Variants in EBF2 observed in about 807,000 individuals in gnomAD.
EBF2 encodes transcription factor COE2.
A neutral mutation model predicts 72.8 loss-of-function variants in EBF2; 21 were observed. That is an observed-to-expected ratio of 0.29 (90% confidence interval 0.20 to 0.42). EBF2 has a LOEUF of 0.42. Among genes scored for constraint, EBF2 ranks in the 10% least tolerant of loss-of-function variants. The pLI is 1.00. For synonymous variants in EBF2, 299 were observed against 274.2 expected (o/e 1.09, Z -0.89); for missense variants, 637 against 731.2 (o/e 0.87, Z 1.49).
At chr8:25,889,270 G>A (rs907168098) in intron 8 of EBF2, among the ~76,000 whole-genome samples, 3 of 152,098 alleles carry the variant, frequency 2.0e-5, no homozygotes, top group African/African-American at 4.8e-5. Context: ...ACAGTTACCG[G>A]TATTTCTAAT....
At chr8:25,917,047 T>C (rs776023069) in intron 6 of EBF2, among the ~76,000 whole-genome samples, 1 of 152,152 alleles carries the variant, frequency 6.6e-6, no homozygotes, top group Non-Finnish European at 1.5e-5. Flanking sequence ...ATGTCTCCCA[T>C]AGCCCAAGTG....
At chr8:26,027,010 A>G (rs1308012944) in intron 6 of EBF2, among the ~76,000 whole-genome samples, 1 of 152,208 alleles carries the variant, frequency 6.6e-6, no homozygotes, top group Non-Finnish European at 1.5e-5. Flanking sequence ...GGTTTTATCT[A>G]TCCTTCTCAG....
intron 7 of EBF2, among the ~76,000 whole-genome samples, chr8:25,902,433 C>A (rs1358750584): frequency 6.6e-6 from 1 of 151,994 alleles, no homozygotes; most frequent in Non-Finnish European, 1.5e-5. Context: ...CTTTGAGGAG[C>A]CCTGGAAATC....
Position 25,858,425 on chromosome 8 carries a change from G to C in EBF2, c.1422C>G (p.Thr474=). The C allele has an allele frequency of 3.7e-6, 6 of 1,614,126 alleles. No homozygotes were observed. The highest frequency in any genetic ancestry group is 5.1e-6 in the Non-Finnish European group (6 of 1,180,016). The change falls in exon 14 of 16, where the codon ACC becomes ACG. Residue 474 remains threonine, a synonymous_variant. Coordinates refer to ENST00000520164, the MANE Select transcript of EBF2 (RefSeq NM_022659.4). ...SSTPQQSNYS[T]SSNSMNGYSN... Reference sequence around the variant, plus strand: ...TGTAGCCATTCATACTGTTGCTGGAGGTACTGTAATTAGACTGTTGAGGCG... The same window carrying C: ...TGTAGCCATTCATACTGTTGCTGGACGTACTGTAATTAGACTGTTGAGGCG...
At chr8:26,039,718 C>T (rs1397509386) in intron 5 of EBF2, among the ~76,000 whole-genome samples, 1 of 152,220 alleles carries the variant, frequency 6.6e-6, no homozygotes, top group Non-Finnish European at 1.5e-5. Flanking sequence ...AAACCCGGCC[C>T]GGGGTTGCCC....
At chr8:26,038,045 G>A (rs1484480743) in intron 5 of EBF2, among the ~76,000 whole-genome samples, 1 of 152,168 alleles carries the variant, frequency 6.6e-6, no homozygotes, top group Admixed American at 6.5e-5. Flanking sequence ...GCTACAACTG[G>A]CTCTTAAAAT....
At chr8:25,846,419 G>GGCTAACACCTGT (rs1160139478) in intron 15 of EBF2, among the ~76,000 whole-genome samples, 1 of 152,152 alleles carries the variant, frequency 6.6e-6, no homozygotes, top group Non-Finnish European at 1.5e-5. Flanking sequence ...TGGGCACGGT[G>GGCTAACACCTGT]GCTAACACCT....
rs188464519 is a variant in EBF2, at chr8:25,909,141, A to G, written c.552-586T>C. ...AGAAGTGTGAATATCCTCTCAGTTCATGTATAGATTATTCAGAGAAACATG... is the reference window on the plus strand; with the variant it reads ...AGAAGTGTGAATATCCTCTCAGTTCGTGTATAGATTATTCAGAGAAACATG... On this transcript the variant is annotated intron_variant, in intron 6 of 15. Coordinates refer to ENST00000520164, the MANE Select transcript of EBF2 (RefSeq NM_022659.4). Among the ~76,000 whole-genome samples, 428 of 152,326 alleles carry G rather than the reference A, an allele frequency of 2.8e-3. 4 individuals are homozygous for G. Among genetic ancestry groups the G allele is most frequent in the Middle Eastern group, 0.02 (6 of 294 alleles).
At chr8:26,004,590 G>T (rs1471795810) in intron 6 of EBF2, among the ~76,000 whole-genome samples, 2 of 140,822 alleles carry the variant, frequency 1.4e-5, no homozygotes, top group African/African-American at 5.3e-5. Context: ...CACACGAATT[G>T]TTGGAACCAG....
chr8:25,856,015 G>A (rs1392824252), intron 14 of EBF2, among the ~76,000 whole-genome samples: 1 of 152,200 alleles, frequency 6.6e-6, no homozygotes, highest in Non-Finnish European at 1.5e-5. Context: ...GTGGCAGTGG[G>A]TTTGGGTGAT....
chr8:25,970,017 A>G (rs1424051788), intron 6 of EBF2, among the ~76,000 whole-genome samples: 3 of 152,222 alleles, frequency 2.0e-5, no homozygotes, highest in Non-Finnish European at 4.4e-5. Context: ...TATGACCTTC[A>G]TATTATCAAG....
intron 7 of EBF2, among the ~76,000 whole-genome samples, chr8:25,905,911 G>A (rs1803024715): frequency 6.6e-6 from 1 of 152,142 alleles, no homozygotes; most frequent in African/African-American, 2.4e-5. Context: ...GACAATCAGA[G>A]AATCCACAAA....
intron 6 of EBF2, among the ~76,000 whole-genome samples, chr8:25,973,638 T>C (rs910554205): frequency 6.6e-6 from 1 of 152,196 alleles, no homozygotes; most frequent in African/African-American, 2.4e-5. Flanking sequence ...CTTTGTTAGA[T>C]TGTTTTTCCC....
At position 25,862,678 on chromosome 8, in the gene EBF2, G is replaced by T. The variant is rs374763106; in HGVS notation, c.1098+31C>A. On this transcript the variant is annotated intron_variant, in intron 11 of 15. Transcript: ENST00000520164. ...AGTTTCCTGAAATTCTACACAAATG[G>T]CTTCACATGTCAATTTCCAAAGCAC... 7 of 1,520,980 alleles carry T rather than the reference G, an allele frequency of 4.6e-6. No homozygotes were observed. In the African/African-American group the frequency reaches 5.6e-5, roughly 12 times the overall value. 94.2% of individuals were successfully genotyped at this position (1,520,980 alleles called of 1,614,324 possible).
At chr8:25,886,643 A>G in intron 10 of EBF2, 112 bp downstream of exon 10, 1 of 1,286,778 alleles carries the variant, frequency 7.8e-7, no homozygotes, top group Non-Finnish European at 1.1e-6. Flanking sequence ...CACTCTTTCC[A>G]CACTAGTAAA....
chr8:25,991,781 G>T (rs1207868095), intron 6 of EBF2, among the ~76,000 whole-genome samples: 1 of 152,062 alleles, frequency 6.6e-6, no homozygotes, highest in Non-Finnish European at 1.5e-5. Context: ...AGGAGGCAGA[G>T]GTTGTAGTGA....
At chr8:25,888,890 T>A (rs567004169) in intron 8 of EBF2, among the ~76,000 whole-genome samples, 1 of 152,296 alleles carries the variant, frequency 6.6e-6, no homozygotes, top group South Asian at 2.1e-4. Flanking sequence ...AGAAACTGGA[T>A]GGGTTCCTAG....
At chr8:26,035,063 GA>G (rs1805475609) in intron 5 of EBF2, among the ~76,000 whole-genome samples, 1 of 152,098 alleles carries the variant, frequency 6.6e-6, no homozygotes, top group Non-Finnish European at 1.5e-5. Flanking sequence ...AGCACCCTTT[GA>G]AAGTGGTGAT....
At position 26,044,989 on chromosome 8, in the gene EBF2, G is replaced by T; in HGVS notation, c.-130C>A. ...GAAAAGGGATCAAGTGCCCAAGTTT[G>T]AGTCTTAGAAAAAAAAAAAAGATAA... is the stretch of plus-strand genomic sequence containing the variant. On this transcript the variant is annotated 5_prime_UTR_variant, in exon 1 of 16. Transcript: ENST00000520164. The surrounding 1 kb of genome is among the most constrained non-coding windows in gnomAD (Gnocchi z 4.1). 1 of 961,296 alleles carries T rather than the reference G, an allele frequency of 1.0e-6. No homozygotes were observed. The highest frequency in any genetic ancestry group is 1.5e-6 in the Non-Finnish European group (1 of 668,518). The allele number at this position is 961,296 out of a possible 1,614,324, so 59.5% of individuals were successfully genotyped here. A position where few individuals can be genotyped will look rare whatever the true frequency, so the allele number is the denominator to read the frequency against.
Sources: gnomAD v4.1 joint callset for allele counts (sites outside exome capture counted in the v4.1 genomes callset) on GRCh38, gnomAD v4.1.1 for gene constraint, Gnocchi (gnomAD v3.1) non-coding constraint, MANE v1.5 for transcripts, NCBI Gene and HGNC (gene_info 2026-07-23, HGNC 2026-07-21) for gene names.